Variants in RCC2 observed in about 807,000 individuals in gnomAD.
The protein encoded by RCC2 is protein RCC2.
RCC2 carries 19 observed loss-of-function variants against 64.1 expected under a neutral mutation model. That is an observed-to-expected ratio of 0.30 (90% CI 0.21 to 0.44). RCC2 has a LOEUF of 0.44. Ranked by LOEUF, RCC2 falls within the 20% of genes least tolerant of loss-of-function variation. RCC2 has a pLI of 1.00. For synonymous variants in RCC2, 325 were observed against 279.6 expected (o/e 1.16, Z -1.62); for missense variants, 508 against 710.4 (o/e 0.72, Z 3.24).
chr1:17,428,214 C>T lies in RCC2; in HGVS notation c.379+892G>A, dbSNP rs1403332618. Among the ~76,000 whole-genome samples the T allele has an allele frequency of 1.2e-4, 18 of 152,366 alleles. No homozygotes were observed. In the East Asian group the frequency reaches 1.9e-3, roughly 16 times the overall value. On this transcript the variant is annotated intron_variant, in intron 3 of 12. Coordinates refer to ENST00000375436, the MANE Select transcript of RCC2 (RefSeq NM_018715.4). ...CACGGGCACAGGACTGGCAACAAGG[C>T]GCCATCAGCACCTGGGCTTACGTTA...
intron 12 of RCC2, among the ~76,000 whole-genome samples, chr1:17,409,620 A>C (rs2075403930): frequency 6.6e-6 from 1 of 152,216 alleles, no homozygotes; most frequent in African/African-American, 2.4e-5. Context: ...TCCTGCAGCC[A>C]CGCAGCCTCT....
chr1:17,435,047 G>A (rs867355151), intron 2 of RCC2, among the ~76,000 whole-genome samples: 1 of 152,170 alleles, frequency 6.6e-6, no homozygotes, highest in Non-Finnish European at 1.5e-5. Context: ...AGGCTGCAGT[G>A]AGCTGAGATC....
At chr1:17,421,595 T>G (rs550361854) in intron 6 of RCC2, among the ~76,000 whole-genome samples, 32 of 152,290 alleles carry the variant, frequency 2.1e-4, no homozygotes, top group African/African-American at 7.7e-4. Context: ...GAAGTACAAT[T>G]ACATCCATAT....
At chr1:17,433,653 G>C (rs1255070473) in intron 2 of RCC2, among the ~76,000 whole-genome samples, 1 of 152,216 alleles carries the variant, frequency 6.6e-6, no homozygotes, top group African/African-American at 2.4e-5. Context: ...CAGCAACTTG[G>C]TCACATAACC....
At chr1:17,434,860 C>T (rs967088049) in intron 2 of RCC2, among the ~76,000 whole-genome samples, 6 of 152,174 alleles carry the variant, frequency 3.9e-5, no homozygotes, top group African/African-American at 9.7e-5. Flanking sequence ...CGCCTGTAAT[C>T]GCAGCACTTT....
chr1:17,420,630 C>G (rs771359336), intron 7 of RCC2, 84 bp downstream of exon 7: 13 of 782,610 alleles, frequency 1.7e-5, no homozygotes, highest in Non-Finnish European at 2.6e-5. Context: ...ACATTTCTAA[C>G]ACGTGTGTGC....
chr1:17,414,217 A>C (rs1203649301), intron 8 of RCC2, among the ~76,000 whole-genome samples: 1 of 152,170 alleles, frequency 6.6e-6, no homozygotes, highest in Non-Finnish European at 1.5e-5. Context: ...AGAGTTGGGC[A>C]ATCATTTGAT....
rs1192957071 is a variant in RCC2, at chr1:17,435,779, G to GGGCA, written c.285+2450_285+2451insTGCC. ...TAAAAATACAAAAAATTAGCCAGGTGTGGTGGTGGGCGTCTATAATCCCAG... is the reference window on the plus strand; with the variant it reads ...TAAAAATACAAAAAATTAGCCAGGTGGGCATGGTGGTGGGCGTCTATAATCCCAG... On this transcript the variant is annotated intron_variant, in intron 2 of 12. Coordinates refer to ENST00000375436, the MANE Select transcript of RCC2 (RefSeq NM_018715.4). Among the ~76,000 whole-genome samples, 5 of 152,230 alleles carry GGGCA rather than the reference G, an allele frequency of 3.3e-5. No individual in the cohort carries two copies. In the East Asian group the frequency reaches 9.7e-4, roughly 29 times the overall value.
In RCC2 at chr1:17,407,584, A is replaced by G. The variant is rs1417284361; in HGVS notation, c.*1506T>C. On this transcript the variant is annotated 3_prime_UTR_variant, in exon 13 of 13. Coordinates refer to ENST00000375436, the MANE Select transcript of RCC2 (RefSeq NM_018715.4). ...GGACTGGCAGGACAGACACTGCTACATGCCCTCCAAGGGCAGGAGTCACGG... is the reference window on the plus strand; with the variant it reads ...GGACTGGCAGGACAGACACTGCTACGTGCCCTCCAAGGGCAGGAGTCACGG... 6.6e-6 allele frequency: 1 copy of G among 152,602 alleles called. No individual in the cohort carries two copies. The highest frequency in any genetic ancestry group is 1.5e-5 in the Non-Finnish European group (1 of 68,020). The allele number at this position is 152,602 out of a possible 1,614,324, so 9.5% of individuals were successfully genotyped here.
intron 2 of RCC2, among the ~76,000 whole-genome samples, chr1:17,433,704 C>A (rs1193188828): frequency 6.6e-6 from 1 of 152,222 alleles, no homozygotes; most frequent in Non-Finnish European, 1.5e-5. Flanking sequence ...AGGCACTGAG[C>A]TTCTTCAATC....
intron 3 of RCC2, among the ~76,000 whole-genome samples, chr1:17,428,438 G>C (rs1053869388): frequency 1.3e-5 from 2 of 152,212 alleles, no homozygotes; most frequent in African/African-American, 4.8e-5. Flanking sequence ...AAGGTGCCAA[G>C]ACGAGCCAGC....
At chr1:17,414,256 G>A (rs1392201001) in intron 8 of RCC2, among the ~76,000 whole-genome samples, 2 of 152,144 alleles carry the variant, frequency 1.3e-5, no homozygotes, top group Non-Finnish European at 2.9e-5. Flanking sequence ...TCGGCCAGAT[G>A]CAGTGGCTCA....
At chr1:17,434,976 G>A (rs1030041701) in intron 2 of RCC2, among the ~76,000 whole-genome samples, 47 of 152,174 alleles carry the variant, frequency 3.1e-4, no homozygotes, top group African/African-American at 9.2e-4. Context: ...AGTGACAGGT[G>A]CCTGTCATCT....
rs189266915 is a variant in RCC2 at position 17,439,539 on chromosome 1, C to T, written c.-9+6G>A. The T allele has an allele frequency of 2.6e-3, 382 of 147,724 alleles. 2 individuals carry two copies. The highest frequency in any genetic ancestry group is 8.7e-3 in the African/African-American group (355 of 40,638). 9.2% of individuals were successfully genotyped at this position (147,724 alleles called of 1,614,324 possible). A position where few individuals can be genotyped will look rare whatever the true frequency, so the allele number is the denominator to read the frequency against. ...AAACTGATCACTGTCGATTTTCAGA[C>T]CCTACCTGGTTGGAGTGATGAGAAA... On this transcript the variant is annotated splice_donor_region_variant and intron_variant, in intron 1 of 12. Coordinates refer to ENST00000375436, the MANE Select transcript of RCC2 (RefSeq NM_018715.4).
intron 2 of RCC2, among the ~76,000 whole-genome samples, chr1:17,436,644 C>A (rs1347118662): frequency 6.6e-6 from 1 of 152,208 alleles, no homozygotes; most frequent in Non-Finnish European, 1.5e-5. Context: ...TCAATCTCAG[C>A]ATGGGGTAAG....
chr1:17,413,933 C>T (rs948263216), intron 8 of RCC2, among the ~76,000 whole-genome samples: 2 of 152,184 alleles, frequency 1.3e-5, no homozygotes, highest in African/African-American at 4.8e-5. Context: ...GAGTTTGAGA[C>T]CAGCCTGGCC....
At chr1:17,419,246 C>A (rs1254552627) in intron 7 of RCC2, among the ~76,000 whole-genome samples, 1 of 152,202 alleles carries the variant, frequency 6.6e-6, no homozygotes, top group Non-Finnish European at 1.5e-5. Flanking sequence ...GTAGTCCCAA[C>A]TACTTGGGAG....
rs2075379914 is a variant in RCC2 at position 17,407,926 on chromosome 1, C to T, written c.*1164G>A. 6.6e-6 allele frequency: 1 copy of T among 152,646 alleles called. No individual in the cohort carries two copies. Among genetic ancestry groups the T allele is most frequent in the South Asian group, 2.1e-4 (1 of 4,830 alleles). The allele number at this position is 152,646 out of a possible 1,614,324, so 9.5% of individuals were successfully genotyped here. A position where few individuals can be genotyped will look rare whatever the true frequency, so the allele number is the denominator to read the frequency against. ...GAGGAGGGTTCCGGGAAAGGCACCT[C>T]ATAACTCACTCAGCGCAGCACACAC... On this transcript the variant is annotated 3_prime_UTR_variant, in exon 13 of 13. Coordinates refer to ENST00000375436, the MANE Select transcript of RCC2 (RefSeq NM_018715.4).
rs2075785497 is a variant in RCC2, at chr1:17,439,674, A to T, written c.-138T>A. 1 of 149,172 alleles carries T rather than the reference A, an allele frequency of 6.7e-6. No individual in the cohort carries two copies. The highest frequency in any genetic ancestry group is 2.4e-5 in the African/African-American group (1 of 41,072). 9.2% of individuals were successfully genotyped at this position (149,172 alleles called of 1,614,324 possible). On this transcript the variant is annotated 5_prime_UTR_variant, in exon 1 of 13. Coordinates refer to ENST00000375436, the MANE Select transcript of RCC2 (RefSeq NM_018715.4). ...CTCACCAGATACACTTAAAATGTAA[A>T]TACGAGCTTCCAGAACAAATGCTAC...
Sources: gnomAD v4.1 joint callset for allele counts (sites outside exome capture counted in the v4.1 genomes callset) on GRCh38, gnomAD v4.1.1 for gene constraint, MANE v1.5 for transcripts, NCBI Gene and HGNC (gene_info 2026-07-23, HGNC 2026-07-21) for gene names.